Variants in FAM184B observed in about 807,000 individuals in gnomAD.
The protein encoded by FAM184B is protein FAM184B.
In FAM184B, 111 loss-of-function variants were observed where a neutral mutation model predicts 135.9. The observed-to-expected ratio is 0.82, with a 90% CI of 0.70 to 0.96. FAM184B has a LOEUF of 0.96. Among genes scored for constraint, FAM184B ranks in the 40% least tolerant of loss-of-function variants. The pLI is 0.00. For missense variants in FAM184B, 1,375 were observed against 1,323.9 expected, an observed-to-expected ratio of 1.04 and a Z score of -0.60; for synonymous variants, 552 against 524.8, an observed-to-expected ratio of 1.05 and a Z score of -0.71.
chr4:17,761,007 T>G (rs1212989749), intron 1 of FAM184B, among the ~76,000 whole-genome samples: 1 of 152,282 alleles, frequency 6.6e-6, no homozygotes, highest in East Asian at 1.9e-4. Flanking sequence ...CAGGGAGAAT[T>G]TGGCAATGTC....
chr4:17,647,772 C>G lies in FAM184B; in HGVS notation c.2211G>C (p.Leu737=), dbSNP rs902721035. 7 of 1,550,608 alleles carry G rather than the reference C, an allele frequency of 4.5e-6. No individual in the cohort carries two copies. Among genetic ancestry groups the G allele is most frequent in the Middle Eastern group, 1.8e-4 (1 of 5,704 alleles). ...CAGAACAGGCAGCTTGCTGCTCCGACAGCTCCTGTCTGAGCGACTCTGGAA... is the reference window on the plus strand; with the variant it reads ...CAGAACAGGCAGCTTGCTGCTCCGAGAGCTCCTGTCTGAGCGACTCTGGAA... ...ALLLESLRQE[L]SEQQAACSGH... is the part of the protein sequence containing the mutation. Residue 737 remains leucine, a synonymous_variant, in exon 12 of 18, where the codon CTG becomes CTC. Coordinates refer to ENST00000265018, the MANE Select transcript of FAM184B (RefSeq NM_015688.2).
chr4:17,708,870 G>A (rs1479779081), intron 2 of FAM184B, 22 bp downstream of exon 2: 7 of 1,482,926 alleles, frequency 4.7e-6, no homozygotes, highest in Non-Finnish European at 6.3e-6. Context: ...CTTTGGGGTT[G>A]TAAGAAGAGA....
intron 13 of FAM184B, among the ~76,000 whole-genome samples, chr4:17,640,845 A>G (rs1461627805): frequency 6.6e-6 from 1 of 152,226 alleles, no homozygotes; most frequent in Non-Finnish European, 1.5e-5. Context: ...CAATTAACCA[A>G]GCGTTTCATT....
At chr4:17,652,146 T>TG (rs1553829715) in intron 11 of FAM184B, among the ~76,000 whole-genome samples, 5 of 131,928 alleles carry the variant, frequency 3.8e-5, no homozygotes, top group Non-Finnish European at 6.3e-5. Flanking sequence ...TTTTTTTTTT[T>TG]TTGAGTCTTG....
At chr4:17,773,459 C>A (rs993890219) in intron 1 of FAM184B, among the ~76,000 whole-genome samples, 7 of 152,220 alleles carry the variant, frequency 4.6e-5, no homozygotes, top group African/African-American at 1.7e-4. Context: ...AAGACGCCTG[C>A]GCATTTCTTC....
At chr4:17,722,855 T>G (rs1189261871) in intron 1 of FAM184B, among the ~76,000 whole-genome samples, 1 of 152,226 alleles carries the variant, frequency 6.6e-6, no homozygotes, top group African/African-American at 2.4e-5. Flanking sequence ...ATGATTTTTT[T>G]TATGAATAAA....
intron 1 of FAM184B, among the ~76,000 whole-genome samples, chr4:17,763,273 C>A (rs1718585626): frequency 6.6e-6 from 1 of 152,020 alleles, no homozygotes; most frequent in African/African-American, 2.4e-5. Context: ...GGGACAACAC[C>A]TCATAGGCTC....
chr4:17,707,742 C>A lies in FAM184B; in HGVS notation c.937G>T (p.Glu313Ter). ...AGTTTTTTTGCAGTGCCTTTCAACT[C>A]TGAATTCTCCTGTCGAGCCTCCTTA... is the stretch of plus-strand genomic sequence containing the variant. ...QLKEARQENS[E>*]LKGTAKKLGE... The change falls in exon 3 of 18, where the codon GAG becomes TAG. Residue 313 changes from glutamate to a stop codon, truncating the protein, a stop_gained. Transcript: ENST00000265018. LOFTEE classifies it high-confidence loss of function. 6.4e-7 allele frequency: 1 copy of A among 1,551,946 alleles called. No homozygotes were observed. The highest frequency in any genetic ancestry group is 8.7e-7 in the Non-Finnish European group (1 of 1,147,034).
intron 1 of FAM184B, among the ~76,000 whole-genome samples, chr4:17,710,254 G>A (rs1449832146): frequency 2.0e-5 from 3 of 152,046 alleles, no homozygotes; most frequent in Non-Finnish European, 1.5e-5. Flanking sequence ...AACCCAGGAG[G>A]CGGAGGTTGC....
At chr4:17,719,156 A>G (rs1717464670) in intron 1 of FAM184B, among the ~76,000 whole-genome samples, 2 of 152,260 alleles carry the variant, frequency 1.3e-5, no homozygotes, top group African/African-American at 4.8e-5. Flanking sequence ...ATAACAATGT[A>G]CTAGCATCAC....
At chr4:17,643,099 G>T (rs1039158931) in intron 12 of FAM184B, among the ~76,000 whole-genome samples, 1 of 152,246 alleles carries the variant, frequency 6.6e-6, no homozygotes, top group South Asian at 2.1e-4. Flanking sequence ...GCCTGGAAGA[G>T]CAAGAGCAGG....
rs186439540 is a variant in FAM184B, at chr4:17,683,207, G to T, written c.1596+5217C>A. ...AGTTCAGAAAGTTTTGTAACTTGCT[G>T]TGTTAGCAAAGCACACGTGTTGCTG... On this transcript the variant is annotated intron_variant, in intron 7 of 17. Transcript: ENST00000265018. Among the ~76,000 whole-genome samples, 162 of 152,302 alleles carry T rather than the reference G, an allele frequency of 1.1e-3. 1 individual carries two copies. In the South Asian group the frequency reaches 0.023, roughly 21 times the overall value.
intron 3 of FAM184B, among the ~76,000 whole-genome samples, chr4:17,707,428 C>T (rs1235868694): frequency 2.6e-5 from 4 of 152,206 alleles, no homozygotes; most frequent in Non-Finnish European, 5.9e-5. Flanking sequence ...TTTCACATCA[C>T]ACCTTTTAGA....
intron 1 of FAM184B, among the ~76,000 whole-genome samples, chr4:17,758,795 A>C (rs1337619408): frequency 6.6e-6 from 1 of 152,198 alleles, no homozygotes; most frequent in Non-Finnish European, 1.5e-5. Context: ...CTGCAGTTGC[A>C]AAGCACTGGC....
At chr4:17,637,302 C>T (rs907339213) in intron 14 of FAM184B, among the ~76,000 whole-genome samples, 1 of 152,240 alleles carries the variant, frequency 6.6e-6, no homozygotes, top group Non-Finnish European at 1.5e-5. Context: ...GCTGGGATTA[C>T]AGGCGTGGGC....
rs1313401565 is a variant in FAM184B, at chr4:17,708,697, A to C, written c.894+195T>G. 1.9e-4 allele frequency among the ~76,000 whole-genome samples: 10 copies of C among 53,186 alleles called. 1 individual carries two copies. The highest frequency in any genetic ancestry group is 6.8e-4 in the African/African-American group (8 of 11,814). 34.9% of individuals were successfully genotyped at this position (53,186 alleles called of 152,430 possible). A position where few individuals can be genotyped will look rare whatever the true frequency, so the allele number is the denominator to read the frequency against. ...TATATATATATATATATATATATAT[A>C]TATATATATATAGTGTCTGTGTGTG... is the stretch of plus-strand genomic sequence containing the variant. On this transcript the variant is annotated intron_variant, in intron 2 of 17. Transcript: ENST00000265018.
At chr4:17,776,992 A>ATC in intron 1 of FAM184B, among the ~76,000 whole-genome samples, 1 of 152,234 alleles carries the variant, frequency 6.6e-6, no homozygotes. Context: ...AGTAAAAGTT[A>ATC]TCATACAACT....
rs942802633 is a variant in FAM184B at position 17,781,397 on chromosome 4, G to C, written c.-98C>G. 9 of 1,372,962 alleles carry C rather than the reference G, an allele frequency of 6.6e-6. No individual in the cohort carries two copies. The highest frequency in any genetic ancestry group is 7.6e-6 in the Non-Finnish European group (8 of 1,053,866). 85.0% of individuals were successfully genotyped at this position (1,372,962 alleles called of 1,614,324 possible). On this transcript the variant is annotated 5_prime_UTR_variant, in exon 1 of 18. Transcript: ENST00000265018. The surrounding 1 kb of genome is among the most constrained non-coding windows in gnomAD (Gnocchi z 6.5). The stretch of plus-strand genomic sequence containing the variant: ...GGGCGTGCGAGCGTGTGGGTTTCTC[G>C]GGAGAGGTGGCACTGCAGTCCCGTC...
chr4:17,653,544 C>T (rs993331411), intron 10 of FAM184B, among the ~76,000 whole-genome samples: 1 of 151,934 alleles, frequency 6.6e-6, no homozygotes, highest in African/African-American at 2.4e-5. Context: ...TCTTTTTTTC[C>T]CTACTTTTTA....
Sources: gnomAD v4.1 joint callset for allele counts (sites outside exome capture counted in the v4.1 genomes callset) on GRCh38, gnomAD v4.1.1 for gene constraint, Gnocchi (gnomAD v3.1) non-coding constraint, MANE v1.5 for transcripts, NCBI Gene and HGNC (gene_info 2026-07-23, HGNC 2026-07-21) for gene names.